Variants in PTPRK observed in about 807,000 individuals in gnomAD.
PTPRK encodes receptor-type tyrosine-protein phosphatase kappa.
Under a neutral mutation model 178.0 loss-of-function variants are expected in PTPRK, and 75 were observed. The ratio of observed to expected loss-of-function variants is 0.42; its 90% CI spans 0.35 to 0.51. PTPRK has a LOEUF of 0.51. PTPRK is among the 20% of genes least tolerant of loss of function. The pLI, the probability that PTPRK is intolerant of heterozygous loss-of-function variation, is 0.02. For missense variants in PTPRK, 1,441 were observed against 1,797.8 expected, an observed-to-expected ratio of 0.80 and a Z score of 3.59; for synonymous variants, 637 against 620.6, an observed-to-expected ratio of 1.03 and a Z score of -0.39.
At chr6:128,113,028 A>T (rs1176124768) in intron 7 of PTPRK, among the ~76,000 whole-genome samples, 2 of 151,844 alleles carry the variant, frequency 1.3e-5, no homozygotes, top group African/African-American at 4.8e-5. Context: ...ATCAAATAAA[A>T]CTCCAAATCT....
intron 7 of PTPRK, among the ~76,000 whole-genome samples, chr6:128,092,318 A>G (rs1376655353): frequency 6.6e-6 from 1 of 152,164 alleles, no homozygotes; most frequent in East Asian, 1.9e-4. Context: ...TTTTGCACTC[A>G]CTTTAGGATA....
chr6:128,325,249 A>G (rs1317248599), intron 2 of PTPRK, among the ~76,000 whole-genome samples: 1 of 152,138 alleles, frequency 6.6e-6, no homozygotes, highest in Non-Finnish European at 1.5e-5. Flanking sequence ...CAGCAATTTG[A>G]CATAAAAGAC....
intron 1 of PTPRK, among the ~76,000 whole-genome samples, chr6:128,517,873 C>G (rs1858320869): frequency 6.6e-6 from 1 of 152,018 alleles, no homozygotes. Context: ...TTAAATTTCT[C>G]AAAAGGAATA....
At chr6:128,329,026 A>G (rs1829928967) in intron 2 of PTPRK, among the ~76,000 whole-genome samples, 2 of 152,172 alleles carry the variant, frequency 1.3e-5, no homozygotes, top group South Asian at 2.1e-4. Flanking sequence ...AAGGAAAACT[A>G]TATTTCAATG....
intron 6 of PTPRK, among the ~76,000 whole-genome samples, chr6:128,201,095 C>T (rs1244129987): frequency 1.3e-5 from 2 of 152,170 alleles, no homozygotes; most frequent in East Asian, 3.9e-4. Flanking sequence ...AGCACTATGA[C>T]TTTAAAAGAG....
intron 3 of PTPRK, among the ~76,000 whole-genome samples, chr6:128,318,850 C>T (rs1333399941): frequency 6.6e-6 from 1 of 152,044 alleles, no homozygotes; most frequent in Admixed American, 6.6e-5. Flanking sequence ...CGGGATTTTC[C>T]CTATTTACTT....
intron 7 of PTPRK, among the ~76,000 whole-genome samples, chr6:128,097,171 CA>C (rs1301526423): frequency 1.3e-5 from 2 of 152,092 alleles, no homozygotes; most frequent in African/African-American, 4.8e-5. Flanking sequence ...CAGGAATAAT[CA>C]CAAGCCAACT....
intron 2 of PTPRK, among the ~76,000 whole-genome samples, chr6:128,324,896 T>G (rs186117057): frequency 5.6e-4 from 86 of 152,288 alleles, no homozygotes; most frequent in African/African-American, 2.0e-3. Flanking sequence ...AAAAATCACT[T>G]CTGTAGTCTC....
chr6:128,422,543 C>CT (rs997450713), intron 1 of PTPRK, among the ~76,000 whole-genome samples: 16 of 151,926 alleles, frequency 1.1e-4, no homozygotes, highest in African/African-American at 3.9e-4. Flanking sequence ...CCAATATATT[C>CT]TTTTTTTCCC....
chr6:127,996,237 A>T (rs1313450484), intron 17 of PTPRK, among the ~76,000 whole-genome samples: 1 of 152,132 alleles, frequency 6.6e-6, no homozygotes, highest in Non-Finnish European at 1.5e-5. Flanking sequence ...TGGAAAGAAT[A>T]ACACCCCAAT....
At chr6:128,165,279 AATACAT>A (rs1435433052) in intron 7 of PTPRK, among the ~76,000 whole-genome samples, 2 of 151,464 alleles carry the variant, frequency 1.3e-5, no homozygotes, top group South Asian at 2.1e-4. Flanking sequence ...ATTAGGAAGT[AATACAT>A]ATAAAGTATA....
chr6:128,424,048 C>T (rs867730111), intron 1 of PTPRK, among the ~76,000 whole-genome samples: 16 of 149,012 alleles, frequency 1.1e-4, no homozygotes, highest in Non-Finnish European at 2.2e-4. Context: ...AGAGAGACAC[C>T]TAGTCCCTAC....
chr6:128,259,083 T>C (rs1364805001), intron 3 of PTPRK, among the ~76,000 whole-genome samples: 1 of 150,990 alleles, frequency 6.6e-6, no homozygotes, highest in Non-Finnish European at 1.5e-5. Context: ...TGTGGGGAGG[T>C]CCATGTTTGA....
intron 6 of PTPRK, among the ~76,000 whole-genome samples, chr6:128,212,722 G>T (rs1156992926): frequency 6.6e-6 from 1 of 151,920 alleles, no homozygotes; most frequent in Non-Finnish European, 1.5e-5. Flanking sequence ...ACTCCAAAGA[G>T]CAGTGACCAG....
At chr6:128,251,595 C>T (rs148299017) in intron 3 of PTPRK, among the ~76,000 whole-genome samples, 1 of 152,168 alleles carries the variant, frequency 6.6e-6, no homozygotes, top group Non-Finnish European at 1.5e-5. Context: ...TGAATACACA[C>T]AGGCCTTTTG....
chr6:128,357,583 C>T (rs1834127895), intron 2 of PTPRK, among the ~76,000 whole-genome samples: 1 of 152,220 alleles, frequency 6.6e-6, no homozygotes, highest in Non-Finnish European at 1.5e-5. Flanking sequence ...TGGACACTGT[C>T]ACTGTACACG....
At chr6:128,197,176 G>C (rs890539003) in intron 6 of PTPRK, among the ~76,000 whole-genome samples, 2 of 82,084 alleles carry the variant, frequency 2.4e-5, no homozygotes, top group African/African-American at 4.6e-5. Context: ...AATCTCTTTT[G>C]TTTTTTTCTT....
chr6:128,324,247 A>G (rs947030876), intron 2 of PTPRK, among the ~76,000 whole-genome samples: 1 of 152,150 alleles, frequency 6.6e-6, no homozygotes, highest in Admixed American at 6.6e-5. Context: ...GTCTGTATCA[A>G]TTATGGCTTC....
intron 15 of PTPRK, chr6:128,003,264 A>C: frequency 1.3e-6 from 2 of 1,555,380 alleles, no homozygotes; most frequent in Non-Finnish European, 1.8e-6. Flanking sequence ...GAAGGAATAT[A>C]TTGCTCTAAA....
Sources: allele counts gnomAD v4.1 joint callset (sites outside exome capture counted in the v4.1 genomes callset), GRCh38; gene constraint gnomAD v4.1.1; transcripts MANE v1.5; gene names NCBI Gene and HGNC (gene_info 2026-07-23, HGNC 2026-07-21).